GPM6A: variants seen among roughly 807,000 people sequenced by gnomAD.
GPM6A encodes neuronal membrane glycoprotein M6-a.
A neutral mutation model predicts 32.1 loss-of-function variants in GPM6A; 7 were observed. That is an observed-to-expected ratio of 0.22 (90% CI 0.12 to 0.41). GPM6A has a LOEUF of 0.41. Ranked by LOEUF, GPM6A falls within the 10% of genes least tolerant of loss-of-function variation. GPM6A has a pLI of 1.00. For synonymous variants in GPM6A, 130 were observed against 123.4 expected, an observed-to-expected ratio of 1.05 and a Z score of -0.35; for missense variants, 235 against 347.2, an observed-to-expected ratio of 0.68 and a Z score of 2.57.
At chr4:175,892,889 CTG>C (rs1177900141) in intron 1 of GPM6A, among the ~76,000 whole-genome samples, 1 of 152,158 alleles carries the variant, frequency 6.6e-6, no homozygotes, top group Non-Finnish European at 1.5e-5. Flanking sequence ...CAGATCAGGA[CTG>C]TGTTTTTGGG....
intron 1 of GPM6A, among the ~76,000 whole-genome samples, chr4:175,863,643 A>G (rs768735803): frequency 5.9e-5 from 9 of 152,210 alleles, no homozygotes; most frequent in Admixed American, 1.3e-4. Context: ...TTAATTTCAT[A>G]AGAAACTTCA....
intron 1 of GPM6A, among the ~76,000 whole-genome samples, chr4:175,910,862 C>T (rs974457450): frequency 3.3e-5 from 5 of 152,204 alleles, no homozygotes; most frequent in Admixed American, 6.5e-5. Context: ...TCCTATAGCC[C>T]GAAGCAGCCA....
chr4:175,801,205 T>C (rs1424062102), intron 1 of GPM6A, among the ~76,000 whole-genome samples: 1 of 152,108 alleles, frequency 6.6e-6, no homozygotes, highest in Admixed American at 6.5e-5. Flanking sequence ...GCTGGGTAAG[T>C]TTACTACACT....
At chr4:175,723,592 T>C (rs1195937408) in intron 1 of GPM6A, among the ~76,000 whole-genome samples, 1 of 152,076 alleles carries the variant, frequency 6.6e-6, no homozygotes, top group African/African-American at 2.4e-5. Flanking sequence ...GTTCCAGAAA[T>C]TGAACTCATA....
chr4:175,917,785 C>A (rs1230968279), intron 1 of GPM6A, among the ~76,000 whole-genome samples: 1 of 151,916 alleles, frequency 6.6e-6, no homozygotes, highest in Non-Finnish European at 1.5e-5. Flanking sequence ...CTTAAGAAAT[C>A]TCAACTTAAG....
intron 1 of GPM6A, among the ~76,000 whole-genome samples, chr4:175,883,546 T>C (rs1282217115): frequency 6.6e-6 from 1 of 152,162 alleles, no homozygotes; most frequent in African/African-American, 2.4e-5. Context: ...TCTGTATTTA[T>C]ACTACATATA....
At chr4:175,695,262 G>C (rs1363931821) in intron 2 of GPM6A, among the ~76,000 whole-genome samples, 3 of 152,182 alleles carry the variant, frequency 2.0e-5, no homozygotes, top group Admixed American at 6.5e-5. Flanking sequence ...AGCTAGTAGA[G>C]CTGTGAAAGA....
chr4:175,763,493 C>G (rs757449040), intron 1 of GPM6A, among the ~76,000 whole-genome samples: 14 of 151,984 alleles, frequency 9.2e-5, no homozygotes, highest in African/African-American at 3.1e-4. Context: ...AAGCATAAAC[C>G]CACTTAAGGA....
chr4:175,837,090 A>G (rs935087575), intron 1 of GPM6A, among the ~76,000 whole-genome samples: 32 of 152,186 alleles, frequency 2.1e-4, no homozygotes, highest in African/African-American at 7.7e-4. Flanking sequence ...TCAGAGTCAG[A>G]GAAGAACCAT....
intron 1 of GPM6A, among the ~76,000 whole-genome samples, chr4:175,957,667 C>T (rs933815791): frequency 2.0e-5 from 3 of 152,020 alleles, no homozygotes; most frequent in Non-Finnish European, 4.4e-5. Flanking sequence ...ACCTATGTAA[C>T]AAACCTGCAC....
chr4:175,857,166 T>C (rs773272478), intron 1 of GPM6A, among the ~76,000 whole-genome samples: 1 of 152,182 alleles, frequency 6.6e-6, no homozygotes, highest in Non-Finnish European at 1.5e-5. Context: ...AAAATTAACA[T>C]AAATATTTTA....
intron 1 of GPM6A, among the ~76,000 whole-genome samples, chr4:175,948,304 A>C (rs1443668941): frequency 6.6e-6 from 1 of 152,222 alleles, no homozygotes. Flanking sequence ...TCTCATAAAT[A>C]GAATTAGTTT....
At chr4:175,821,050 C>A (rs1002003842) in intron 1 of GPM6A, among the ~76,000 whole-genome samples, 17 of 152,082 alleles carry the variant, frequency 1.1e-4, no homozygotes, top group Non-Finnish European at 1.9e-4. Context: ...TGTATGTCTT[C>A]AATAATATGT....
chr4:176,001,590 T>C (rs1741483167), intron 1 of GPM6A, among the ~76,000 whole-genome samples: 1 of 152,150 alleles, frequency 6.6e-6, no homozygotes, highest in Admixed American at 6.5e-5. Context: ...GGACCCTGCC[T>C]GGAAACTTGA....
At chr4:175,731,269 C>G (rs192684577) in intron 1 of GPM6A, among the ~76,000 whole-genome samples, 16 of 152,128 alleles carry the variant, frequency 1.1e-4, no homozygotes, top group South Asian at 2.1e-4. Context: ...TCCTTGAGGT[C>G]CTCCCTGATG....
chr4:175,828,424 T>C (rs1469160089), intron 1 of GPM6A, among the ~76,000 whole-genome samples: 1 of 152,224 alleles, frequency 6.6e-6, no homozygotes, highest in Non-Finnish European at 1.5e-5. Context: ...GTATTTTAAT[T>C]GTTCCTGAAA....
At chr4:175,680,010 T>C (rs1175640182) in intron 2 of GPM6A, among the ~76,000 whole-genome samples, 1 of 152,214 alleles carries the variant, frequency 6.6e-6, no homozygotes, top group Non-Finnish European at 1.5e-5. Flanking sequence ...TGGTGCTATA[T>C]GTGCTCATTG....
intron 4 of GPM6A, among the ~76,000 whole-genome samples, chr4:175,642,443 C>A (rs1289038051): frequency 6.6e-6 from 1 of 152,146 alleles, no homozygotes. Context: ...CTACTTAAAT[C>A]CTCTCAAGTC....
Position 175,673,698 on chromosome 4 carries a change from G to T in GPM6A, c.369C>A (p.Gly123=). Residue 123 remains glycine, a synonymous_variant, in exon 3 of 7, where the codon GGC becomes GGA. Transcript: ENST00000393658. ...AACATACCCAAGCGCTCACACATCT[G>T]CCACAAGTGGTGATTTTGAAATCCC... ...LYGDFKITTC[G]RCVSAWFIML... is the part of the protein sequence containing the mutation. 6.2e-7 allele frequency: 1 copy of T among 1,609,378 alleles called. No individual in the cohort carries two copies. Among genetic ancestry groups the T allele is most frequent in the Non-Finnish European group, 8.5e-7 (1 of 1,176,604 alleles).
Sources: allele counts gnomAD v4.1 joint callset (sites outside exome capture counted in the v4.1 genomes callset), GRCh38; gene constraint gnomAD v4.1.1; transcripts MANE v1.5; gene names NCBI Gene and HGNC (gene_info 2026-07-23, HGNC 2026-07-21).